Variants in PCSK4 observed in about 807,000 individuals in gnomAD.
PCSK4 encodes testicular tissue protein Li 135.
PCSK4 carries 64 observed loss-of-function variants against 80.3 expected under a neutral mutation model. The ratio of observed to expected loss-of-function variants is 0.80; its 90% CI spans 0.65 to 0.98. PCSK4 has a LOEUF of 0.98. PCSK4 is among the 50% of genes least tolerant of loss of function. PCSK4 has a pLI of 0.00. For synonymous variants in PCSK4, 561 were observed against 487.6 expected (o/e 1.15, Z -1.98); for missense variants, 1,213 against 1,093.6 (o/e 1.11, Z -1.54).
chr19:1,483,854 G>A (rs755197189), exon 10 of PCSK4: 3 of 1,494,968 alleles, frequency 2.0e-6, no homozygotes, highest in African/African-American at 2.9e-5. Context: ...GCCCCACGCC[G>A]TTGGTCCTCC....
At chr19:1,489,224 C>CG (rs1476910768) in intron 2 of PCSK4, among the ~76,000 whole-genome samples, 1 of 151,668 alleles carries the variant, frequency 6.6e-6, no homozygotes, top group African/African-American at 2.4e-5. Flanking sequence ...CTCCGCCTCC[C>CG]GGGTTCACAC....
At chr19:1,482,096 G>T in exon 15 of PCSK4, 1 of 1,550,342 alleles carries the variant, frequency 6.5e-7, no homozygotes, top group Non-Finnish European at 8.7e-7. Flanking sequence ...CCTCAGCGCG[G>T]GCGCCGCCGT....
At chr19:1,490,077 G>A (rs1168501302) in intron 1 of PCSK4, 81 bp downstream of exon 1, 23 of 1,558,368 alleles carry the variant, frequency 1.5e-5, no homozygotes, top group Non-Finnish European at 1.9e-5. Flanking sequence ...AGACCTTGTG[G>A]GCTCCCTCCC....
intron 13 of PCSK4, 162 bp downstream of exon 13, chr19:1,482,734 A>G: frequency 1.2e-6 from 1 of 816,736 alleles, no homozygotes; most frequent in Non-Finnish European, 1.9e-6. Flanking sequence ...CTGTCATTGC[A>G]CACCATCTCC....
chr19:1,482,784 G>A (rs1459520877), intron 13 of PCSK4, 112 bp downstream of exon 13: 10 of 1,173,910 alleles, frequency 8.5e-6, no homozygotes, highest in African/African-American at 4.5e-5. Flanking sequence ...TTCTCTTGGA[G>A]AAGGCCACTG....
In PCSK4 at chr19:1,487,871, G is replaced by A. The variant is rs769539812; in HGVS notation, c.517-10C>T. The A allele has an allele frequency of 3.9e-6, 6 of 1,549,956 alleles. No individual in the cohort carries two copies. The South Asian group carries it at 7.2e-5, about 19-fold the overall frequency. ...AGCTGGCCAGGGGGTCCTGGGGGCA[G>A]GTGGGGATATGAGGGGGCCGGGAGG... is the stretch of plus-strand genomic sequence containing the variant. On this transcript the variant is annotated splice_polypyrimidine_tract_variant and intron_variant, in intron 4 of 14. Coordinates refer to ENST00000300954, the Ensembl canonical transcript of PCSK4.
chr19:1,487,324 A>C lies in PCSK4; in HGVS notation c.683-11T>G, dbSNP rs970906832. ...CCAGCATCCGTACGCCTGCAGAGCC[A>C]GGGCGGGAGGGCCGCTGCCACCGGC... On this transcript the variant is annotated splice_polypyrimidine_tract_variant and intron_variant, in intron 6 of 14. Transcript: ENST00000300954. 1 of 1,572,154 alleles carries C rather than the reference A, an allele frequency of 6.4e-7. No individual in the cohort carries two copies. Among genetic ancestry groups the C allele is most frequent in the Non-Finnish European group, 8.6e-7 (1 of 1,162,878 alleles).
In PCSK4 at chr19:1,484,102, C is replaced by A. The variant is rs1213328576; in HGVS notation, c.1094G>T (p.Cys365Phe). ...CGAGGTGCCCGTGTGCTGGTCTGTG[C>A]ACCCGTGATGCAGGTCCGTGGTGAC... Residue 365 changes from cysteine to phenylalanine, a missense_variant, in exon 9 of 15, where the codon TGC (cysteine) becomes TTC (phenylalanine). Transcript: ENST00000300954. 1 of 1,565,840 alleles carries A rather than the reference C, an allele frequency of 6.4e-7. No individual in the cohort carries two copies. Among genetic ancestry groups the A allele is most frequent in the Non-Finnish European group, 8.6e-7 (1 of 1,157,172 alleles).
chr19:1,483,556 T>TC lies in PCSK4; in HGVS notation c.1391+93dup, dbSNP rs1295983664. 6 of 1,406,042 alleles carry TC rather than the reference T, an allele frequency of 4.3e-6. No individual in the cohort carries two copies. In the Admixed American group the frequency reaches 9.7e-5, roughly 23 times the overall value. The allele number at this position is 1,406,042 out of a possible 1,614,324, so 87.1% of individuals were successfully genotyped here. A position where few individuals can be genotyped will look rare whatever the true frequency, so the allele number is the denominator to read the frequency against. On this transcript the variant is annotated intron_variant, in intron 11 of 14. Transcript: ENST00000300954. ...AGGTCGGGGCTCAGAGGTCACGGGG[T>TC]CCAGCCCTCGTTTTACAGATGGGTA... is the stretch of plus-strand genomic sequence containing the variant.
At chr19:1,490,188 T>C (rs774555162) in exon 1 of PCSK4, 1 of 1,613,692 alleles carries the variant, frequency 6.2e-7, no homozygotes, top group Non-Finnish European at 8.5e-7. Flanking sequence ...CGAATTTGCG[T>C]GCCAGGCGCT....
chr19:1,490,584 G>C (rs577513677), upstream of PCSK4: 1 of 476,052 alleles, frequency 2.1e-6, no homozygotes, highest in Non-Finnish European at 3.7e-6. Context: ...TTTCCCATTT[G>C]TACAACGACA....
At chr19:1,481,551 G>A (rs1270068411) in exon 15 of PCSK4, 6 of 444,514 alleles carry the variant, frequency 1.3e-5, no homozygotes, top group Admixed American at 3.8e-5. Flanking sequence ...TCTCCCCCCA[G>A]CCCACTCCCG....
chr19:1,483,418 G>T lies in PCSK4; in HGVS notation c.1437C>A (p.Cys479Ter), dbSNP rs1189344710. The T allele has an allele frequency of 6.3e-7, 1 of 1,599,518 alleles. No individual in the cohort carries two copies. Among genetic ancestry groups the T allele is most frequent in the Admixed American group, 1.7e-5 (1 of 59,814 alleles). ...AGCGGATGGAGTTGTGGAGGCCGGCGCAGGCCGATACGTTTTCCCTGATGT... is the reference window on the plus strand; with the variant it reads ...AGCGGATGGAGTTGTGGAGGCCGGCTCAGGCCGATACGTTTTCCCTGATGT... Residue 479 changes from cysteine (C) to a stop codon, truncating the protein, a stop_gained, in exon 12 of 15, where the codon TGC becomes TGA. Coordinates refer to ENST00000300954, the Ensembl canonical transcript of PCSK4. LOFTEE classifies it high-confidence loss of function.
rs1381094139 is a variant in PCSK4, at chr19:1,487,333, G to C, written c.683-20C>G. The C allele has an allele frequency of 6.4e-7, 1 of 1,564,454 alleles. No homozygotes were observed. The highest frequency in any genetic ancestry group is 1.1e-5 in the South Asian group (1 of 88,058). ...GTACGCCTGCAGAGCCAGGGCGGGAGGGCCGCTGCCACCGGCCCTGCCCTT... is the reference window on the plus strand; with the variant it reads ...GTACGCCTGCAGAGCCAGGGCGGGACGGCCGCTGCCACCGGCCCTGCCCTT... On this transcript the variant is annotated intron_variant, in intron 6 of 14. Coordinates refer to ENST00000300954, the Ensembl canonical transcript of PCSK4.
chr19:1,482,689 T>C (rs1008696942), intron 13 of PCSK4: 5 of 756,612 alleles, frequency 6.6e-6, no homozygotes, highest in Non-Finnish European at 1.1e-5. Context: ...ACTGGGCACC[T>C]ACATCTCCCG....
At chr19:1,487,685 C>G (rs1674549434) in exon 6 of PCSK4, 1 of 1,554,090 alleles carries the variant, frequency 6.4e-7, no homozygotes, top group Admixed American at 2.0e-5. Context: ...CACAGCGGGT[C>G]CCGTGCCTGG....
chr19:1,483,510 TG>T, intron 11 of PCSK4, 47 bp from the exon 12 acceptor site: 1 of 520,246 alleles, frequency 1.9e-6, no homozygotes, highest in Non-Finnish European at 2.8e-6. Context: ...TGCTGGGGGG[TG>T]GGTGGGCGGC....
At chr19:1,489,566 G>T in intron 2 of PCSK4, 1 of 680,436 alleles carries the variant, frequency 1.5e-6, no homozygotes. Context: ...GGAGGGAGGG[G>T]GAGGACAAGA....
chr19:1,482,822 A>G, intron 13 of PCSK4, 74 bp downstream of exon 13: 1 of 1,538,956 alleles, frequency 6.5e-7, no homozygotes, highest in Admixed American at 1.7e-5. Flanking sequence ...GCGGTCACCA[A>G]GGCTAGCTCC....
Sources: allele counts gnomAD v4.1 joint callset (sites outside exome capture counted in the v4.1 genomes callset), GRCh38; gene constraint gnomAD v4.1.1; transcripts MANE v1.5; gene names NCBI Gene and HGNC (gene_info 2026-07-23, HGNC 2026-07-21).